Variants in EML4 observed in about 807,000 individuals in gnomAD.
EML4 encodes EMAP like 4.
A neutral mutation model predicts 129.0 loss-of-function variants in EML4; 72 were observed. That is an observed-to-expected ratio of 0.56 (90% CI 0.46 to 0.68). The LOEUF (loss-of-function observed/expected upper bound fraction) is 0.68. EML4 is among the 30% of genes least tolerant of loss of function. The probability of loss-of-function intolerance (pLI) is 0.00; values close to 1 mark genes in which losing one functional copy is unlikely to be tolerated. For missense variants in EML4, 1,363 were observed against 1,190.6 expected, an observed-to-expected ratio of 1.14 and a Z score of -2.13; for synonymous variants, 532 against 405.0, an observed-to-expected ratio of 1.31 and a Z score of -3.77.
chr2:42,243,406 C>A (rs1675169005), intron 1 of EML4, among the ~76,000 whole-genome samples: 3 of 125,774 alleles, frequency 2.4e-5, no homozygotes, highest in Admixed American at 2.4e-4. Flanking sequence ...CTGAATTGTT[C>A]TTATCATTCC....
intron 18 of EML4, among the ~76,000 whole-genome samples, chr2:42,316,693 G>T (rs757290929): frequency 1.3e-4 from 20 of 152,156 alleles, no homozygotes; most frequent in Non-Finnish European, 2.6e-4. Flanking sequence ...GTCTGACATT[G>T]TCTTTATTTG....
chr2:42,176,343 A>G (rs1368681809), intron 1 of EML4, among the ~76,000 whole-genome samples: 1 of 152,140 alleles, frequency 6.6e-6, no homozygotes, highest in Admixed American at 6.5e-5. Context: ...CCACCTGTCC[A>G]GTTTATTTTG....
chr2:42,221,465 A>T (rs1673593860), intron 1 of EML4, among the ~76,000 whole-genome samples: 1 of 139,480 alleles, frequency 7.2e-6, no homozygotes, highest in Non-Finnish European at 1.5e-5. Context: ...GCTAGAGCGC[A>T]GTAGTGCTAT....
rs1673958184 is a variant in EML4 at position 42,226,387 on chromosome 2, T to C, written c.26-19118T>C. Among the ~76,000 whole-genome samples the C allele has an allele frequency of 4.6e-5, 7 of 152,018 alleles. No homozygotes were observed. The South Asian group carries it at 1.5e-3, about 32-fold the overall frequency. ...AAAAAAATAAATTATGGGCCGGGCG[T>C]GGTGGCTCATGGCTGTAAACCCAGC... On this transcript the variant is annotated intron_variant, in intron 1 of 22. Coordinates refer to ENST00000318522, the MANE Select transcript of EML4 (RefSeq NM_019063.5).
At chr2:42,192,489 C>T (rs932004829) in intron 1 of EML4, among the ~76,000 whole-genome samples, 2 of 152,132 alleles carry the variant, frequency 1.3e-5, no homozygotes, top group South Asian at 2.1e-4. Flanking sequence ...ATCCACCTGC[C>T]TCAGCCTCCC....
At chr2:42,280,640 C>T (rs1666952367) in intron 6 of EML4, among the ~76,000 whole-genome samples, 1 of 152,112 alleles carries the variant, frequency 6.6e-6, no homozygotes, top group African/African-American at 2.4e-5. Context: ...ATTGAGCATC[C>T]ATGGATTTGG....
At chr2:42,217,680 A>G (rs1673283886) in intron 1 of EML4, among the ~76,000 whole-genome samples, 1 of 152,224 alleles carries the variant, frequency 6.6e-6, no homozygotes, top group African/African-American at 2.4e-5. Context: ...TTGTGTGTCC[A>G]CATATTCGTT....
At chr2:42,183,432 A>G (rs758514428) in intron 1 of EML4, among the ~76,000 whole-genome samples, 2 of 152,164 alleles carry the variant, frequency 1.3e-5, no homozygotes, top group Non-Finnish European at 1.5e-5. Flanking sequence ...TGGTGATACA[A>G]CCTGTGTGGG....
At chr2:42,302,503 A>G (rs1668343927) in intron 14 of EML4, among the ~76,000 whole-genome samples, 1 of 151,810 alleles carries the variant, frequency 6.6e-6, no homozygotes, top group South Asian at 2.1e-4. Context: ...CACATTCTTC[A>G]TGTGATTTCA....
At chr2:42,209,963 AAAAC>A (rs1672786858) in intron 1 of EML4, among the ~76,000 whole-genome samples, 1 of 151,176 alleles carries the variant, frequency 6.6e-6, no homozygotes, top group Non-Finnish European at 1.5e-5. Context: ...AACAAACAAA[AAAAC>A]CAATAGACTT....
intron 1 of EML4, among the ~76,000 whole-genome samples, chr2:42,235,721 T>C (rs991491459): frequency 3.3e-5 from 5 of 152,134 alleles, no homozygotes; most frequent in African/African-American, 1.2e-4. Context: ...TGAAGGACTG[T>C]TTTTTTCCTT....
chr2:42,331,641 T>C lies in EML4; in HGVS notation c.*1434T>C, dbSNP rs935195190. On this transcript the variant is annotated 3_prime_UTR_variant, in exon 23 of 23. Transcript: ENST00000318522. ...TTAAGTATGCAGGCGTTTACGTGAT[T>C]GTGCCATTCCAAAGTGCATCAGAAC... 2 of 223,942 alleles carry C rather than the reference T, an allele frequency of 8.9e-6. No homozygotes were observed. Among genetic ancestry groups the C allele is most frequent in the Non-Finnish European group, 1.8e-5 (2 of 112,030 alleles). 13.9% of individuals were successfully genotyped at this position (223,942 alleles called of 1,614,324 possible).
intron 1 of EML4, among the ~76,000 whole-genome samples, chr2:42,194,480 T>C (rs1407322110): frequency 1.3e-5 from 2 of 151,806 alleles, no homozygotes; most frequent in Non-Finnish European, 2.9e-5. Flanking sequence ...TTTAGTGATA[T>C]CTTTTGATTG....
intron 17 of EML4, among the ~76,000 whole-genome samples, chr2:42,314,291 G>A (rs375022483): frequency 1.2e-4 from 19 of 152,088 alleles, no homozygotes; most frequent in African/African-American, 4.6e-4. Context: ...CCCAGGAGGC[G>A]GAGGTTGCAG....
chr2:42,172,573 A>G (rs1033939538), intron 1 of EML4, among the ~76,000 whole-genome samples: 4 of 152,040 alleles, frequency 2.6e-5, no homozygotes, highest in African/African-American at 9.7e-5. Context: ...AGGTGCTTGT[A>G]CTCTGGAATT....
chr2:42,285,207 C>G (rs78966450), intron 9 of EML4, among the ~76,000 whole-genome samples: 2 of 152,038 alleles, frequency 1.3e-5, no homozygotes, highest in Admixed American at 6.5e-5. Context: ...CCACCATGCC[C>G]GGCTAACTCT....
intron 1 of EML4, among the ~76,000 whole-genome samples, chr2:42,185,273 A>G (rs1459627141): frequency 1.3e-5 from 2 of 152,184 alleles, no homozygotes; most frequent in Non-Finnish European, 2.9e-5. Context: ...AAATATTGTG[A>G]CACGTGAAAA....
At chr2:42,321,776 T>C (rs1236667351) in intron 19 of EML4, among the ~76,000 whole-genome samples, 1 of 152,142 alleles carries the variant, frequency 6.6e-6, no homozygotes, top group Non-Finnish European at 1.5e-5. Flanking sequence ...AAAGACCACT[T>C]TTCCTCAAAC....
intron 11 of EML4, 37 bp downstream of exon 11, chr2:42,288,359 T>A: frequency 9.4e-7 from 1 of 1,063,962 alleles, no homozygotes; most frequent in Non-Finnish European, 1.4e-6. Flanking sequence ...TGTTTTAGAG[T>A]ACGTTACTTG....
Sources: gnomAD v4.1 joint callset for allele counts (sites outside exome capture counted in the v4.1 genomes callset) on GRCh38, gnomAD v4.1.1 for gene constraint, MANE v1.5 for transcripts, NCBI Gene and HGNC (gene_info 2026-07-23, HGNC 2026-07-21) for gene names.